DEFB131B: variants seen among roughly 807,000 people sequenced by gnomAD.
DEFB131B encodes defensin beta 131B, also known as beta-defensin 131B.
In DEFB131B, 2 loss-of-function variants were observed where a neutral mutation model predicts 2.1. The observed-to-expected ratio is 0.94, with a 90% CI of 0.38 to 2.95. The LOEUF (loss-of-function observed/expected upper bound fraction) is 2.95. DEFB131B is among the 30% of genes most tolerant of loss of function. The probability of loss-of-function intolerance (pLI) is 0.09; values close to 1 mark genes in which losing one functional copy is unlikely to be tolerated. For missense variants in DEFB131B, 77 were observed against 78.5 expected (o/e 0.98, Z 0.07); for synonymous variants, 26 against 25.8 (o/e 1.01, Z -0.03).
chr11:71,880,170 C>G (rs1299559206), intron 1 of DEFB131B, among the ~76,000 whole-genome samples: 2 of 152,042 alleles, frequency 1.3e-5, no homozygotes, highest in Non-Finnish European at 2.9e-5. Context: ...AATTGATAAT[C>G]TAAATCTCAG....
chr11:71,881,418 C>T (rs1433394182), intron 1 of DEFB131B, among the ~76,000 whole-genome samples: 1 of 152,120 alleles, frequency 6.6e-6, no homozygotes. Context: ...CATTTTCTCA[C>T]AGTTCTGGAA....
At chr11:71,880,590 C>T (rs1452731045) in intron 1 of DEFB131B, among the ~76,000 whole-genome samples, 2 of 151,748 alleles carry the variant, frequency 1.3e-5, no homozygotes, top group Non-Finnish European at 2.9e-5. Flanking sequence ...TTTCTTGTTC[C>T]TTGAGGTGCA....
intron 1 of DEFB131B, among the ~76,000 whole-genome samples, chr11:71,879,440 T>C (rs913243575): frequency 1.8e-4 from 27 of 152,294 alleles, no homozygotes; most frequent in African/African-American, 6.0e-4. Context: ...GGTTCATACC[T>C]GAGATTTAGA....
intron 1 of DEFB131B, among the ~76,000 whole-genome samples, chr11:71,880,813 T>G (rs1418160226): frequency 2.0e-5 from 3 of 152,240 alleles, no homozygotes; most frequent in Non-Finnish European, 2.9e-5. Flanking sequence ...ATGTTATCTG[T>G]ATAGTTTCCA....
intron 1 of DEFB131B, among the ~76,000 whole-genome samples, chr11:71,882,605 C>T (rs1004524758): frequency 1.3e-5 from 2 of 152,158 alleles, no homozygotes; most frequent in Admixed American, 1.3e-4. Context: ...AGTAGTCCTA[C>T]CTTACAATAA....
chr11:71,881,158 C>T (rs1952559028), intron 1 of DEFB131B, among the ~76,000 whole-genome samples: 1 of 152,170 alleles, frequency 6.6e-6, no homozygotes, highest in African/African-American at 2.4e-5. Flanking sequence ...CTCTCTTTAG[C>T]TCTAATGACA....
At chr11:71,879,318 AC>A (rs1952545548) in intron 1 of DEFB131B, among the ~76,000 whole-genome samples, 1 of 152,160 alleles carries the variant, frequency 6.6e-6, no homozygotes, top group African/African-American at 2.4e-5. Flanking sequence ...TTAATTTTTA[AC>A]CACAAAACTA....
intron 1 of DEFB131B, among the ~76,000 whole-genome samples, chr11:71,880,709 T>C (rs1952555396): frequency 6.6e-6 from 1 of 152,224 alleles, no homozygotes; most frequent in African/African-American, 2.4e-5. Flanking sequence ...GTATGTTGTG[T>C]TTCCATTTGC....
chr11:71,879,092 A>G (rs193279324), intron 1 of DEFB131B, among the ~76,000 whole-genome samples: 227 of 152,318 alleles, frequency 1.5e-3, no homozygotes, highest in Middle Eastern at 6.8e-3. Context: ...GGAAATTTAA[A>G]GAATTGGAAA....
chr11:71,881,636 T>TA (rs112705355), intron 1 of DEFB131B, among the ~76,000 whole-genome samples: 181 of 145,326 alleles, frequency 1.2e-3, no homozygotes, highest in South Asian at 1.3e-3. Context: ...TATCAGTCCT[T>TA]AAAAAAAAAA....
chr11:71,883,162 T>C (rs1206046772), intron 1 of DEFB131B, among the ~76,000 whole-genome samples: 4 of 152,178 alleles, frequency 2.6e-5, no homozygotes, highest in African/African-American at 7.2e-5. Flanking sequence ...AAAATATCCA[T>C]ACTATTCAAA....
At position 71,884,498 on chromosome 11, in the gene DEFB131B, T is replaced by C. The variant is rs775602124; in HGVS notation, c.150T>C (p.Cys50=). ...CTGATGAACATGCAATTAGATACTG[T>C]GCTGACTTCAGCATCTGCTGCAAAC... is the stretch of plus-strand genomic sequence containing the variant. ...CNADEHAIRY[C]ADFSICCKLK... is the part of the protein sequence containing the mutation. The change falls in exon 2 of 2, where the codon TGT becomes TGC. Residue 50 remains cysteine (C), a synonymous_variant. Transcript: ENST00000530210. 50 of 1,610,400 alleles carry C rather than the reference T, an allele frequency of 3.1e-5. No homozygotes were observed. Among genetic ancestry groups the C allele is most frequent in the Non-Finnish European group, 4.1e-5 (48 of 1,178,928 alleles).
At chr11:71,880,180 G>A (rs1050888863) in intron 1 of DEFB131B, among the ~76,000 whole-genome samples, 5 of 151,966 alleles carry the variant, frequency 3.3e-5, no homozygotes, top group Middle Eastern at 3.2e-3. Context: ...CTAAATCTCA[G>A]GTATAAACCA....
chr11:71,884,445 T>A lies in DEFB131B; in HGVS notation c.97T>A (p.Tyr33Asn). 6.2e-7 allele frequency: 1 copy of A among 1,606,236 alleles called. No homozygotes were observed. The highest frequency in any genetic ancestry group is 8.5e-7 in the Non-Finnish European group (1 of 1,176,152). The change falls in exon 2 of 2, where the codon TAT (tyrosine) becomes AAT (asparagine). Residue 33 changes from tyrosine (Y) to asparagine (N), a missense_variant. By Grantham distance (143) the Tyr-to-Asn change is moderately radical. Coordinates refer to ENST00000530210, the MANE Select transcript of DEFB131B (RefSeq NM_001242853.1). The part of the protein sequence containing the change: ...FTSNDECPSE[Y>N]YHCRLKCNAD... ...TTCTAATGATGAATGTCCTTCAGAATATTATCATTGCAGACTGAAGTGCAA... is the reference window on the plus strand; with the variant it reads ...TTCTAATGATGAATGTCCTTCAGAAAATTATCATTGCAGACTGAAGTGCAA...
intron 1 of DEFB131B, among the ~76,000 whole-genome samples, chr11:71,881,831 A>G (rs1368357650): frequency 1.3e-5 from 2 of 152,186 alleles, no homozygotes; most frequent in East Asian, 3.8e-4. Flanking sequence ...AAGAAAAAAG[A>G]ATTAAAAAGA....
At chr11:71,881,286 T>G (rs532501211) in intron 1 of DEFB131B, among the ~76,000 whole-genome samples, 43 of 152,372 alleles carry the variant, frequency 2.8e-4, no homozygotes, top group Non-Finnish European at 6.2e-4. Context: ...TCTCTTTTTA[T>G]GTTTTTTCAC....
intron 1 of DEFB131B, among the ~76,000 whole-genome samples, chr11:71,879,142 G>T (rs2121343889): frequency 6.6e-6 from 1 of 152,334 alleles, no homozygotes; most frequent in South Asian, 2.1e-4. Context: ...GGCTAGAGGT[G>T]AAGAGGTGGA....
chr11:71,880,011 T>C (rs1249892956), intron 1 of DEFB131B, among the ~76,000 whole-genome samples: 5 of 152,172 alleles, frequency 3.3e-5, no homozygotes, highest in Non-Finnish European at 5.9e-5. Flanking sequence ...ATGAATTTTA[T>C]AGTAAATTCT....
intron 1 of DEFB131B, among the ~76,000 whole-genome samples, chr11:71,881,650 CT>C (rs1218670945): frequency 6.6e-6 from 1 of 151,712 alleles, no homozygotes; most frequent in Admixed American, 6.6e-5. Flanking sequence ...AAAAAAAAAT[CT>C]TCAAATATGA....
Sources: gnomAD v4.1 joint callset for allele counts (sites outside exome capture counted in the v4.1 genomes callset) on GRCh38, gnomAD v4.1.1 for gene constraint, MANE v1.5 for transcripts, NCBI Gene and HGNC (gene_info 2026-07-23, HGNC 2026-07-21) for gene names.